The following TNFAIP8 variants were observed in gnomAD, a reference collection of about 807,000 sequenced individuals.
TNFAIP8 encodes the protein TNF alpha induced protein 8, also known as tumor necrosis factor alpha-induced protein 8.
Under a neutral mutation model 13.3 loss-of-function variants are expected in TNFAIP8, and 7 were observed. The ratio of observed to expected loss-of-function variants is 0.52; its 90% CI spans 0.30 to 0.99. The LOEUF is 0.99. Among genes scored for constraint, TNFAIP8 ranks in the 50% least tolerant of loss-of-function variants. TNFAIP8 has a pLI of 0.07. For synonymous variants in TNFAIP8, 94 were observed against 87.6 expected (o/e 1.07, Z -0.41); for missense variants, 258 against 236.9 (o/e 1.09, Z -0.58).
rs535923231 is a variant in TNFAIP8, at chr5:119,393,661, T to C, written c.*280T>C. On this transcript the variant is annotated 3_prime_UTR_variant, in exon 2 of 2. Transcript: ENST00000504771. ...GTAGTTATACAAAGAAAAATACAGA[T>C]GTCTCCAGACCTGAGGACTTTTTAA... 5 of 376,266 alleles carry C rather than the reference T, an allele frequency of 1.3e-5. No individual in the cohort carries two copies. The highest frequency in any genetic ancestry group is 2.5e-5 in the Non-Finnish European group (5 of 203,756). The allele number at this position is 376,266 out of a possible 1,614,324, so 23.3% of individuals were successfully genotyped here.
intron 1 of TNFAIP8, among the ~76,000 whole-genome samples, chr5:119,292,968 ATTTATC>A (rs1381577668): frequency 6.6e-6 from 1 of 151,820 alleles, no homozygotes; most frequent in African/African-American, 2.4e-5. Flanking sequence ...AAAAAATAGT[ATTTATC>A]TTTATCTGTC....
At chr5:119,335,206 C>A (rs573585366) in intron 1 of TNFAIP8, among the ~76,000 whole-genome samples, 2 of 152,172 alleles carry the variant, frequency 1.3e-5, no homozygotes, top group African/African-American at 4.8e-5. Context: ...GCATCACCAC[C>A]TTTTCCCAAT....
chr5:119,317,441 C>T (rs1268629039), intron 1 of TNFAIP8, among the ~76,000 whole-genome samples: 1 of 151,602 alleles, frequency 6.6e-6, no homozygotes, highest in Non-Finnish European at 1.5e-5. Flanking sequence ...ATTCTTTCTT[C>T]CTTTTGATTA....
At chr5:119,292,216 C>T (rs116764880) in intron 1 of TNFAIP8, among the ~76,000 whole-genome samples, 169 of 152,068 alleles carry the variant, frequency 1.1e-3, no homozygotes, top group Non-Finnish European at 2.2e-3. Flanking sequence ...CCTATTGCAG[C>T]TCTGGCCCAA....
chr5:119,379,898 T>G (rs1752421545), intron 1 of TNFAIP8, among the ~76,000 whole-genome samples: 1 of 152,204 alleles, frequency 6.6e-6, no homozygotes, highest in Non-Finnish European at 1.5e-5. Flanking sequence ...TGGCCTGTGC[T>G]CCTTCTTTTT....
At chr5:119,339,272 T>C (rs1224690618) in intron 1 of TNFAIP8, among the ~76,000 whole-genome samples, 6 of 152,130 alleles carry the variant, frequency 3.9e-5, no homozygotes, top group African/African-American at 1.4e-4. Context: ...ACCAGCTTAT[T>C]GGCTATGGCA....
At chr5:119,276,670 C>T (rs1748459527) in intron 1 of TNFAIP8, among the ~76,000 whole-genome samples, 2 of 152,182 alleles carry the variant, frequency 1.3e-5, no homozygotes, top group African/African-American at 4.8e-5. Flanking sequence ...TTTCTCTGTG[C>T]ACAACCCTGG....
intron 1 of TNFAIP8, among the ~76,000 whole-genome samples, chr5:119,384,503 T>A (rs143019696): frequency 7.9e-5 from 12 of 152,010 alleles, no homozygotes; most frequent in African/African-American, 2.9e-4. Context: ...AAAAAATAAA[T>A]AAGTAAGATA....
intron 1 of TNFAIP8, among the ~76,000 whole-genome samples, chr5:119,330,371 A>G (rs1241918759): frequency 6.6e-6 from 1 of 152,242 alleles, no homozygotes; most frequent in Admixed American, 6.5e-5. Flanking sequence ...CACAAATGTC[A>G]TCACTCTTTT....
chr5:119,334,090 C>T (rs896166138), intron 1 of TNFAIP8, among the ~76,000 whole-genome samples: 12 of 146,154 alleles, frequency 8.2e-5, no homozygotes, highest in Admixed American at 2.8e-4. Context: ...TTTCTATTCT[C>T]TTATTGGATA....
At chr5:119,313,969 T>C (rs1749807614) in intron 1 of TNFAIP8, among the ~76,000 whole-genome samples, 1 of 152,234 alleles carries the variant, frequency 6.6e-6, no homozygotes, top group African/African-American at 2.4e-5. Flanking sequence ...AAAATTAAGT[T>C]AGTTTTCCTT....
intron 1 of TNFAIP8, among the ~76,000 whole-genome samples, chr5:119,385,748 G>C (rs1752644214): frequency 6.6e-6 from 1 of 152,228 alleles, no homozygotes; most frequent in Non-Finnish European, 1.5e-5. Flanking sequence ...GCATTTCTCA[G>C]TTCATGATAC....
At chr5:119,380,457 A>G (rs540583228) in intron 1 of TNFAIP8, among the ~76,000 whole-genome samples, 3 of 152,342 alleles carry the variant, frequency 2.0e-5, no homozygotes, top group East Asian at 1.9e-4. Flanking sequence ...GAATTTAGGG[A>G]TGGAAAAGTG....
chr5:119,331,569 G>T (rs1193372315), intron 1 of TNFAIP8, among the ~76,000 whole-genome samples: 3 of 152,188 alleles, frequency 2.0e-5, no homozygotes, highest in Non-Finnish European at 4.4e-5. Context: ...GTGCCCACTG[G>T]ATACATGAGG....
intron 1 of TNFAIP8, among the ~76,000 whole-genome samples, chr5:119,288,142 C>T (rs1748860830): frequency 6.6e-6 from 1 of 152,210 alleles, no homozygotes; most frequent in Non-Finnish European, 1.5e-5. Flanking sequence ...TTTCATTTCT[C>T]ATATTCCTTT....
intron 1 of TNFAIP8, among the ~76,000 whole-genome samples, chr5:119,332,152 ATGT>A (rs1289838589): frequency 2.0e-5 from 3 of 152,192 alleles, no homozygotes; most frequent in Admixed American, 2.0e-4. Context: ...TTGTAAATTG[ATGT>A]TGATTTGGTA....
chr5:119,364,587 G>T (rs114501705), intron 1 of TNFAIP8, among the ~76,000 whole-genome samples: 1,703 of 152,216 alleles, frequency 0.011, 36 homozygotes, highest in African/African-American at 0.038. Flanking sequence ...AGCTCAAGCA[G>T]TCCTCCCACC....
At chr5:119,391,419 G>C (rs1284900392) in intron 1 of TNFAIP8, 1 of 702,226 alleles carries the variant, frequency 1.4e-6, no homozygotes, top group South Asian at 1.5e-5. Context: ...TCGACTCAGA[G>C]ATTGAGTAGA....
intron 1 of TNFAIP8, among the ~76,000 whole-genome samples, chr5:119,322,543 G>A (rs545946625): frequency 6.6e-6 from 1 of 152,290 alleles, no homozygotes; most frequent in South Asian, 2.1e-4. Flanking sequence ...AATGCTAGGT[G>A]GGGACCTTTC....
Sources: gnomAD v4.1 joint callset for allele counts (sites outside exome capture counted in the v4.1 genomes callset) on GRCh38, gnomAD v4.1.1 for gene constraint, MANE v1.5 for transcripts, NCBI Gene and HGNC (gene_info 2026-07-23, HGNC 2026-07-21) for gene names.